MADD: variants seen among roughly 807,000 people sequenced by gnomAD.
MADD encodes MAP kinase activating death domain.
In MADD, 109 loss-of-function variants were observed where a neutral mutation model predicts 176.7. That is an observed-to-expected ratio of 0.62 (90% CI 0.53 to 0.72). The LOEUF (loss-of-function observed/expected upper bound fraction) is 0.72, where lower values mean the gene tolerates loss of function less well. MADD is among the 30% of genes least tolerant of loss of function. MADD has a pLI of 0.00. For missense variants in MADD, 1,914 were observed against 2,045.5 expected (o/e 0.94, Z 1.24); for synonymous variants, 771 against 771.3 (o/e 1.00, Z 0.01).
chr11:47,326,559 G>A lies in MADD; in HGVS notation c.4543-179G>A. ...CTCCGGCCAGGAGCGGAAGGTACATGCCCTTTCTGCTATCTTCGCTTCTTA... is the reference window on the plus strand; with the variant it reads ...CTCCGGCCAGGAGCGGAAGGTACATACCCTTTCTGCTATCTTCGCTTCTTA... On this transcript the variant is annotated intron_variant, in intron 30 of 32. Transcript: ENST00000402192. 7.1e-7 allele frequency: 1 copy of A among 1,414,022 alleles called. No individual in the cohort carries two copies. Among genetic ancestry groups the A allele is most frequent in the Non-Finnish European group, 9.2e-7 (1 of 1,086,036 alleles). 87.6% of individuals were successfully genotyped at this position (1,414,022 alleles called of 1,614,324 possible).
At chr11:47,284,380 G>C (rs1260782560) in exon 12 of MADD, 2 of 1,614,158 alleles carry the variant, frequency 1.2e-6, no homozygotes, top group Non-Finnish European at 1.7e-6. Context: ...GGCAGATGTG[G>C]ACCCTCTGAC....
At chr11:47,274,077 C>A in intron 2 of MADD, 101 bp downstream of exon 2, 1 of 1,115,660 alleles carries the variant, frequency 9.0e-7, no homozygotes, top group Non-Finnish European at 1.3e-6. Context: ...CATAGCTCAT[C>A]TTCTCCTGTT....
intron 5 of MADD, 61 bp downstream of exon 5, chr11:47,276,924 T>C (rs1412829119): frequency 1.1e-5 from 17 of 1,589,216 alleles, no homozygotes; most frequent in Non-Finnish European, 1.4e-5. Flanking sequence ...GGAGGCTTAA[T>C]GCTCAAAGAA....
chr11:47,315,127 C>T (rs1267952520), intron 26 of MADD, 93 bp from the exon 30 acceptor site: 8 of 726,308 alleles, frequency 1.1e-5, no homozygotes, highest in East Asian at 2.6e-5. Flanking sequence ...CTGAGGAAGC[C>T]GATATGAATT....
At chr11:47,301,605 C>T (rs2077842210) in intron 22 of MADD, among the ~76,000 whole-genome samples, 1 of 151,750 alleles carries the variant, frequency 6.6e-6, no homozygotes, top group African/African-American at 2.4e-5. Flanking sequence ...TTGGTGTATC[C>T]CATAGGTTTT....
In MADD at chr11:47,289,030, G is replaced by A; in HGVS notation, c.2654-361G>A. The stretch of plus-strand genomic sequence containing the variant: ...AGCCGGCCCCGGGAGTGGTGAAGGT[G>A]GGTCTTGCCTGTGAGCTGTGCATGA... On this transcript the variant is annotated intron_variant, in intron 15 of 32. Coordinates refer to ENST00000402192, the Ensembl canonical transcript of MADD. 7 of 1,591,612 alleles carry A rather than the reference G, an allele frequency of 4.4e-6. No individual in the cohort carries two copies. The highest frequency in any genetic ancestry group is 6.0e-6 in the Non-Finnish European group (7 of 1,174,108).
chr11:47,321,932 GA>G (rs1035124579), intron 27 of MADD, among the ~76,000 whole-genome samples: 46 of 152,232 alleles, frequency 3.0e-4, no homozygotes, highest in Admixed American at 7.9e-4. Flanking sequence ...TGCTACATGT[GA>G]AGCATCCAGA....
intron 22 of MADD, among the ~76,000 whole-genome samples, chr11:47,301,362 C>T (rs2077642014): frequency 6.6e-6 from 1 of 152,124 alleles, no homozygotes; most frequent in African/African-American, 2.4e-5. Flanking sequence ...AGGTGATCCA[C>T]CCATCTCAGC....
intron 7 of MADD, among the ~76,000 whole-genome samples, chr11:47,281,177 T>C (rs952198286): frequency 3.3e-5 from 5 of 152,240 alleles, no homozygotes; most frequent in African/African-American, 1.2e-4. Context: ...CTCTGCTTCC[T>C]GTGTCCTTCA....
chr11:47,303,452 A>T lies in MADD; in HGVS notation c.3643-5139A>T, dbSNP rs569925006. On this transcript the variant is annotated intron_variant, in intron 22 of 32. Transcript: ENST00000402192. ...ACGGGGTTTCACCATGTTAGCCAGG[A>T]TGGTCTCGATCTCCTGACCTCGTGA... Among the ~76,000 whole-genome samples the T allele has an allele frequency of 1.2e-3, 182 of 151,952 alleles. 1 individual carries two copies. In the South Asian group the frequency reaches 0.017, roughly 15 times the overall value.
exon 31 of MADD, chr11:47,326,800 G>A: frequency 6.2e-7 from 1 of 1,614,106 alleles, no homozygotes. Flanking sequence ...TTGTCCTGGA[G>A]GAATTTGGTA....
intron 10 of MADD, among the ~76,000 whole-genome samples, chr11:47,283,797 TCATGC>T (rs1396355590): frequency 2.0e-5 from 3 of 152,078 alleles, no homozygotes; most frequent in Non-Finnish European, 4.4e-5. Context: ...GGTTTCAAAC[TCATGC>T]CTTCAAGCAA....
At chr11:47,311,830 G>A in exon 26 of MADD, 1 of 1,613,050 alleles carries the variant, frequency 6.2e-7, no homozygotes, top group Non-Finnish European at 8.5e-7. Context: ...TGCTTGATCA[G>A]CTGGCGAACC....
chr11:47,272,478 T>A (rs1057015372), intron 1 of MADD: 2 of 151,928 alleles, frequency 1.3e-5, no homozygotes, highest in Non-Finnish European at 2.9e-5. Context: ...GAGTAGAGGG[T>A]GTGTGTGTGT....
chr11:47,305,925 G>A (rs1329620062), intron 22 of MADD, among the ~76,000 whole-genome samples: 2 of 152,158 alleles, frequency 1.3e-5, no homozygotes, highest in Non-Finnish European at 2.9e-5. Flanking sequence ...CAATTCCCCT[G>A]GGGACAATGT....
chr11:47,285,658 C>A, intron 14 of MADD, 68 bp downstream of exon 14: 8 of 1,598,146 alleles, frequency 5.0e-6, no homozygotes, highest in South Asian at 1.1e-5. Flanking sequence ...CTGACTATGG[C>A]AAATGTTGCT....
chr11:47,298,101 AG>A (rs2074554972), intron 22 of MADD, among the ~76,000 whole-genome samples: 1 of 152,170 alleles, frequency 6.6e-6, no homozygotes, highest in Admixed American at 6.5e-5. Flanking sequence ...TTTACATATT[AG>A]TTCAACCTTC....
intron 26 of MADD, among the ~76,000 whole-genome samples, 166 bp downstream of exon 29, chr11:47,312,008 G>A (rs1480494001): frequency 6.6e-6 from 1 of 152,186 alleles, no homozygotes; most frequent in African/African-American, 2.4e-5. Flanking sequence ...TAAAACCATC[G>A]TAGTGCATCA....
chr11:47,309,900 G>A (rs1270060959), intron 25 of MADD, among the ~76,000 whole-genome samples: 3 of 149,140 alleles, frequency 2.0e-5, no homozygotes, highest in Admixed American at 6.8e-5. Context: ...GGAGTGCAGT[G>A]GCGCAATCTC....
Sources: gnomAD v4.1 joint callset for allele counts (sites outside exome capture counted in the v4.1 genomes callset) on GRCh38, gnomAD v4.1.1 for gene constraint, MANE v1.5 for transcripts, NCBI Gene and HGNC (gene_info 2026-07-23, HGNC 2026-07-21) for gene names.